Variants in KLHL5 observed in about 807,000 individuals in gnomAD.
KLHL5 encodes kelch-like protein 5.
In KLHL5, 48 loss-of-function variants were observed where a neutral mutation model predicts 77.7. The observed-to-expected ratio is 0.62, with a 90% CI of 0.49 to 0.79. The LOEUF is 0.79. KLHL5 is among the 30% of genes least tolerant of loss of function. The probability of loss-of-function intolerance (pLI) is 0.00; values close to 1 mark genes in which losing one functional copy is unlikely to be tolerated. For synonymous variants in KLHL5, 260 were observed against 297.0 expected, an observed-to-expected ratio of 0.88 and a Z score of 1.28; for missense variants, 723 against 859.7, an observed-to-expected ratio of 0.84 and a Z score of 1.99.
chr4:39,044,992 G>C, upstream of KLHL5: 9 of 990,650 alleles, frequency 9.1e-6, no homozygotes, highest in Non-Finnish European at 1.1e-5. Flanking sequence ...GCGAGGGGCC[G>C]AGCATCCCAC....
rs1018392071 is a variant in KLHL5 at position 39,113,084 on chromosome 4, C to A, written c.1753C>A (p.His585Asn). ...CAAATCAGTAGAATGTTTTGATCCT[C>A]ATACTAATAAGTGGACACTGTGTGC... ...CLKSVECFDPHTNKWTLCAQM... is the reference protein window; with the variant it reads ...CLKSVECFDPNTNKWTLCAQM... Residue 585 changes from histidine (H) to asparagine (N), a missense_variant, in exon 9 of 11, where the codon CAT becomes AAT. Around this residue, in one of 3 missense-constraint regions of KLHL5, gnomAD observed 214 missense variants for 237.4 expected, o/e 0.90. Transcript: ENST00000504108. 3 of 1,614,026 alleles carry A rather than the reference C, an allele frequency of 1.9e-6. No homozygotes were observed. The highest frequency in any genetic ancestry group is 1.7e-5 in the Admixed American group (1 of 60,004).
At chr4:39,078,992 A>T (rs1035537065) in intron 2 of KLHL5, among the ~76,000 whole-genome samples, 5 of 149,366 alleles carry the variant, frequency 3.3e-5, no homozygotes, top group African/African-American at 1.3e-4. Context: ...CTCAATTAGC[A>T]TACATTTATT....
chr4:39,089,573 T>G (rs1316721709), intron 5 of KLHL5, among the ~76,000 whole-genome samples: 1 of 152,212 alleles, frequency 6.6e-6, no homozygotes, highest in Non-Finnish European at 1.5e-5. Flanking sequence ...CAAACCTGGC[T>G]AATTAACTGA....
chr4:39,098,613 G>T (rs1490676480), intron 6 of KLHL5, among the ~76,000 whole-genome samples: 1 of 149,564 alleles, frequency 6.7e-6, no homozygotes, highest in Non-Finnish European at 1.5e-5. Context: ...ACCCAGGCTG[G>T]AGTGCAGTGG....
downstream of KLHL5, among the ~76,000 whole-genome samples, chr4:39,130,383 T>C (rs1296552679): frequency 6.6e-6 from 1 of 152,224 alleles, no homozygotes; most frequent in African/African-American, 2.4e-5. Context: ...TTAAGCAGTA[T>C]TCTGCCCTAG....
chr4:39,136,039 TGA>T, the KLHL5 span, among the ~76,000 whole-genome samples: 8,142 of 146,196 alleles, frequency 0.056, 298 homozygotes, highest in Admixed American at 0.13. Flanking sequence ...TGTGTGTGTG[TGA>T]GATCGCCACT....
chr4:39,103,298 A>C lies in KLHL5; in HGVS notation c.1312A>C (p.Ile438Leu). The C allele has an allele frequency of 1.2e-6, 2 of 1,612,538 alleles. No homozygotes were observed. The highest frequency in any genetic ancestry group is 8.5e-7 in the Non-Finnish European group (1 of 1,179,188). ...GMDSTKGATS[I>L]EKYDLRTNMW... is the part of the protein sequence containing the mutation. ...ATATTACTATGAAGGAGCAACAAGC[A>C]TTGAAAAGTATGATCTCCGTACAAA... Residue 438 changes from isoleucine (I) to leucine (L), a missense_variant, in exon 7 of 11, where the codon ATT becomes CTT. This residue lies in a region of KLHL5 where 288 missense variants were observed against 400.3 expected (regional missense o/e 0.72). Transcript: ENST00000504108.
rs1176233004 is a variant in KLHL5 at position 39,073,827 on chromosome 4, TA to T, written c.384-2137del. 6.4e-5 allele frequency among the ~76,000 whole-genome samples: 7 copies of T among 108,628 alleles called. No homozygotes were observed. The East Asian group carries it at 8.1e-4, about 13-fold the overall frequency. 71.3% of individuals were successfully genotyped at this position (108,628 alleles called of 152,430 possible). On this transcript the variant is annotated intron_variant, in intron 1 of 10. Transcript: ENST00000504108. Reference sequence around the variant, plus strand: ...GCCCAGCTAATTTTTTTTTTATTTTTATTTTTTTTTTTGTATTTTTAGTAGA... The same window carrying T: ...GCCCAGCTAATTTTTTTTTTATTTTTTTTTTTTTTTTGTATTTTTAGTAGA...
intron 1 of KLHL5, chr4:39,063,719 C>A: frequency 4.9e-6 from 1 of 202,320 alleles, no homozygotes; most frequent in Non-Finnish European, 1.1e-5. Context: ...TGTAGAGGGG[C>A]TAGATGTGAT....
At position 39,124,870 on chromosome 4, in the gene KLHL5, A is replaced by G. The variant is rs1723439728; in HGVS notation, c.*3804A>G. ...ACATATCAAGGGACACTATGAAGAA[A>G]GTGAAAAGACAACCCACAGAATGGG... On this transcript the variant is annotated 3_prime_UTR_variant, in exon 11 of 11. Coordinates refer to ENST00000504108, the MANE Select transcript of KLHL5 (RefSeq NM_015990.5). Among the ~76,000 whole-genome samples, 2 of 151,900 alleles carry G rather than the reference A, an allele frequency of 1.3e-5. No individual in the cohort carries two copies. The highest frequency in any genetic ancestry group is 4.1e-4 in the South Asian group (2 of 4,828).
At chr4:39,077,416 C>T (rs939935973) in intron 2 of KLHL5, among the ~76,000 whole-genome samples, 8 of 151,912 alleles carry the variant, frequency 5.3e-5, no homozygotes, top group Non-Finnish European at 8.8e-5. Context: ...GAGCCAAGAT[C>T]GCGCCACTGC....
At chr4:39,076,843 C>T (rs1242978928) in intron 2 of KLHL5, among the ~76,000 whole-genome samples, 1 of 148,972 alleles carries the variant, frequency 6.7e-6, no homozygotes, top group Non-Finnish European at 1.5e-5. Context: ...TCGGAAAAAG[C>T]CTTCTAGACA....
chr4:39,076,743 GT>G (rs137873302), intron 2 of KLHL5, among the ~76,000 whole-genome samples: 5,616 of 121,058 alleles, frequency 0.046, 95 homozygotes, highest in African/African-American at 0.078. Context: ...ATTCTCAAAG[GT>G]TTTTTTTTTT....
Position 39,062,332 on chromosome 4 carries a change from TTTGTG to T in KLHL5, c.-320_-316del. On this transcript the variant is annotated 5_prime_UTR_variant, in exon 1 of 11. An upstream open reading frame in the 5' UTR loses its in-frame stop. Transcript: ENST00000504108. ...AGGACTTTAATGAATGCTGTCAGTG[TTTGTG>T]AGACCTAATGGTCAGTATGGGAAAG... is the stretch of plus-strand genomic sequence containing the variant. 30 of 1,407,994 alleles carry T rather than the reference TTTGTG, an allele frequency of 2.1e-5. No individual in the cohort carries two copies. The highest frequency in any genetic ancestry group is 9.3e-5 in the Admixed American group (3 of 32,090). 87.2% of individuals were successfully genotyped at this position (1,407,994 alleles called of 1,614,324 possible). A position where few individuals can be genotyped will look rare whatever the true frequency, so the allele number is the denominator to read the frequency against.
intron 1 of KLHL5, among the ~76,000 whole-genome samples, chr4:39,053,643 T>C (rs964038572): frequency 6.6e-6 from 1 of 152,178 alleles, no homozygotes; most frequent in African/African-American, 2.4e-5. Flanking sequence ...AAGGAGTGGA[T>C]AGCAAGGGAA....
rs1238965700 is a variant in KLHL5 at position 39,113,872 on chromosome 4, G to A, written c.1901+640G>A. On this transcript the variant is annotated intron_variant, in intron 9 of 10. Coordinates refer to ENST00000504108, the MANE Select transcript of KLHL5 (RefSeq NM_015990.5). ...AAAGGCAGGAAAGGAGGCGGAGTGG[G>A]CAGGGTGGTGCAGATCATCTAGACT... 2.6e-5 allele frequency among the ~76,000 whole-genome samples: 4 copies of A among 152,230 alleles called. No homozygotes were observed. In the East Asian group the frequency reaches 7.7e-4, roughly 29 times the overall value.
chr4:39,140,318 T>C, the KLHL5 span, among the ~76,000 whole-genome samples: 1 of 152,188 alleles, frequency 6.6e-6, no homozygotes, highest in Non-Finnish European at 1.5e-5. Flanking sequence ...TTGAAACAAC[T>C]GTCAACTTGA....
rs79569771 is a variant in KLHL5 at position 39,084,130 on chromosome 4, C to T, written c.900+1971C>T. ...GGGGAAAGGTCACAATGCTAGCAAG[C>T]GTTTGGTAACATGATAGTTGTGTAT... On this transcript the variant is annotated intron_variant, in intron 4 of 10. Coordinates refer to ENST00000504108, the MANE Select transcript of KLHL5 (RefSeq NM_015990.5). 3.9e-4 allele frequency among the ~76,000 whole-genome samples: 60 copies of T among 152,212 alleles called. No homozygotes were observed. The East Asian group carries it at 0.011, about 27-fold the overall frequency.
rs1721525493 is a variant in KLHL5 at position 39,101,310 on chromosome 4, G to T, written c.1301-1977G>T. Among the ~76,000 whole-genome samples, 4 of 151,624 alleles carry T rather than the reference G, an allele frequency of 2.6e-5. No homozygotes were observed. In the South Asian group the frequency reaches 8.3e-4, roughly 31 times the overall value. On this transcript the variant is annotated intron_variant, in intron 6 of 10. Coordinates refer to ENST00000504108, the MANE Select transcript of KLHL5 (RefSeq NM_015990.5). ...CCTAAATGTATTCATGAAGAAAGAT[G>T]ATTAGCTTTTTATTTGTTGGAGGGA... is the stretch of plus-strand genomic sequence containing the variant.
Sources: allele counts gnomAD v4.1 joint callset (sites outside exome capture counted in the v4.1 genomes callset), GRCh38; gene constraint gnomAD v4.1.1; regional missense constraint gnomAD v4.1.1; transcripts MANE v1.5; gene names NCBI Gene and HGNC (gene_info 2026-07-23, HGNC 2026-07-21).